The following ZDHHC8 variants were observed in gnomAD, a reference collection of about 807,000 sequenced individuals.
ZDHHC8 encodes the protein zDHHC palmitoyltransferase 8, also known as palmitoyltransferase ZDHHC8.
A neutral mutation model predicts 61.2 loss-of-function variants in ZDHHC8; 24 were observed. The ratio of observed to expected loss-of-function variants is 0.39; its 90% confidence interval spans 0.28 to 0.55. The LOEUF is 0.55. Ranked by LOEUF, ZDHHC8 falls within the 20% of genes least tolerant of loss-of-function variation. The probability of loss-of-function intolerance (pLI) is 0.60; values close to 1 mark genes in which losing one functional copy is unlikely to be tolerated. For missense variants in ZDHHC8, 935 were observed against 1,102.1 expected, an observed-to-expected ratio of 0.85 and a Z score of 2.15; for synonymous variants, 523 against 492.5, an observed-to-expected ratio of 1.06 and a Z score of -0.82.
At position 20,143,389 on chromosome 22, in the gene ZDHHC8, C is replaced by T. The variant is rs1236439737; in HGVS notation, c.1759C>T (p.Leu587=). The T allele has an allele frequency of 4.4e-6, 7 of 1,586,380 alleles. No homozygotes were observed. Among genetic ancestry groups the T allele is most frequent in the Non-Finnish European group, 6.0e-6 (7 of 1,170,602 alleles). The change falls in exon 10 of 11, where the codon CTG becomes TTG. Residue 587 remains leucine, a synonymous_variant. Coordinates refer to ENST00000334554, the MANE Select transcript of ZDHHC8 (RefSeq NM_013373.4). ...GVYDAPSSYS[L]QQASVLSEGP... is the part of the protein sequence containing the mutation. ...CTATGACGCTCCCAGCTCCTACAGC[C>T]TGCAGCAGGCCAGTGTGCTGTCCGA...
chr22:20,144,801 C>T (rs1303450534), intron 10 of ZDHHC8, among the ~76,000 whole-genome samples: 1 of 151,968 alleles, frequency 6.6e-6, no homozygotes, highest in African/African-American at 2.4e-5. Context: ...TGCTGTTGGT[C>T]AGCGCTGGTG....
At chr22:20,137,327 G>T (rs148257166) in intron 1 of ZDHHC8, among the ~76,000 whole-genome samples, 7 of 152,220 alleles carry the variant, frequency 4.6e-5, no homozygotes, top group African/African-American at 1.7e-4. Context: ...TTCAGGCCCC[G>T]CCTGCCTGAT....
In ZDHHC8 at chr22:20,146,890, G is replaced by A; in HGVS notation, c.*1490G>A. ...AGGGGCAGGGCTGAGGGAGTGTGAG[G>A]GATGCACAGCTGTTCAGGGCTGAGA... On this transcript the variant is annotated 3_prime_UTR_variant, in exon 11 of 11. Transcript: ENST00000334554. 1.5e-6 allele frequency: 2 copies of A among 1,294,524 alleles called. No individual in the cohort carries two copies. The highest frequency in any genetic ancestry group is 1.5e-5 in the African/African-American group (1 of 64,670). 80.2% of individuals were successfully genotyped at this position (1,294,524 alleles called of 1,614,324 possible). A position where few individuals can be genotyped will look rare whatever the true frequency, so the allele number is the denominator to read the frequency against.
chr22:20,145,542 G>A lies in ZDHHC8; in HGVS notation c.*142G>A, dbSNP rs1048064053. ...ACCCATCGGCGGGAGAGAGTGCCAC[G>A]CCTCCACAGCTTGCCCCAAGCGCTC... On this transcript the variant is annotated 3_prime_UTR_variant, in exon 11 of 11. Transcript: ENST00000334554. 5 of 1,298,314 alleles carry A rather than the reference G, an allele frequency of 3.9e-6. No individual in the cohort carries two copies. The highest frequency in any genetic ancestry group is 1.5e-5 in the African/African-American group (1 of 64,716). 80.4% of individuals were successfully genotyped at this position (1,298,314 alleles called of 1,614,324 possible). A position where few individuals can be genotyped will look rare whatever the true frequency, so the allele number is the denominator to read the frequency against.
chr22:20,143,213 TGCTGGGCCCCC>T lies in ZDHHC8; in HGVS notation c.1586_1596del (p.Leu529ProfsTer30). The T allele has an allele frequency of 6.2e-7, 1 of 1,608,444 alleles. No homozygotes were observed. Among genetic ancestry groups the T allele is most frequent in the Non-Finnish European group, 8.5e-7 (1 of 1,179,472 alleles). On this transcript the variant is annotated frameshift_variant, in exon 10 of 11. Transcript: ENST00000334554. LOFTEE classifies it high-confidence loss of function. ...CCCCTACCCCGCAGCTTCAGCCCCG[TGCTGGGCCCCC>T]GCCCCCGGGAGCCCTCGCCTGTGCG... is the stretch of plus-strand genomic sequence containing the variant.
Position 20,143,128 on chromosome 22 carries a change from G to A in ZDHHC8, c.1498G>A (p.Gly500Ser). The change falls in exon 10 of 11, where the codon GGC (glycine) becomes AGC (serine). Residue 500 changes from glycine (G) to serine (S), a missense_variant. This residue lies in a region of ZDHHC8 where 692 missense variants were observed against 731.4 expected (regional missense o/e 0.95). Transcript: ENST00000334554. ...CGCCTGCCCTGCCCACCCAGCAGTT[G>A]GCGTGGCCGGATACCACTCACCCTA... Reference protein sequence around the residue: ...GHACPAHPAVGVAGYHSPYLH... With the variant: ...GHACPAHPAVSVAGYHSPYLH... 6.2e-7 allele frequency: 1 copy of A among 1,612,066 alleles called. No homozygotes were observed. Among genetic ancestry groups the A allele is most frequent in the Non-Finnish European group, 8.5e-7 (1 of 1,179,822 alleles).
Position 20,144,217 on chromosome 22 carries a change from C to T in ZDHHC8, c.2126+461C>T, listed in dbSNP as rs1486225008. ...GGATATTACCTAGCAGCAGAATGTG[C>T]CACCCTGAGTGGCCGGGCCCTGGCC... is the stretch of plus-strand genomic sequence containing the variant. On this transcript the variant is annotated intron_variant, in intron 10 of 10. Coordinates refer to ENST00000334554, the MANE Select transcript of ZDHHC8 (RefSeq NM_013373.4). Among the ~76,000 whole-genome samples the T allele has an allele frequency of 2.6e-5, 4 of 152,104 alleles. No homozygotes were observed. In the East Asian group the frequency reaches 5.8e-4, roughly 22 times the overall value.
chr22:20,143,489 G>A lies in ZDHHC8; in HGVS notation c.1859G>A (p.Arg620His), dbSNP rs778326407. 27 of 1,600,254 alleles carry A rather than the reference G, an allele frequency of 1.7e-5. No homozygotes were observed. Among genetic ancestry groups the A allele is most frequent in the African/African-American group, 4.0e-5 (3 of 74,880 alleles). ...GCTGGGCCCGGCTTCGGTGGCGCCC[G>A]CAACCCTGCCCTGCAGACGTCACTG... ...LVAGPGFGGARNPALQTSLSS... is the reference protein window; with the variant it reads ...LVAGPGFGGAHNPALQTSLSS... Residue 620 changes from arginine to histidine, a missense_variant, in exon 10 of 11, where the codon CGC (arginine) becomes CAC (histidine). This residue lies in a region of ZDHHC8 where 692 missense variants were observed against 731.4 expected (regional missense o/e 0.95). Coordinates refer to ENST00000334554, the MANE Select transcript of ZDHHC8 (RefSeq NM_013373.4).
chr22:20,145,856 A>G lies in ZDHHC8; in HGVS notation c.*456A>G. 1 of 986,428 alleles carries G rather than the reference A, an allele frequency of 1.0e-6. No individual in the cohort carries two copies. The highest frequency in any genetic ancestry group is 1.2e-6 in the Non-Finnish European group (1 of 830,602). 61.1% of individuals were successfully genotyped at this position (986,428 alleles called of 1,614,324 possible). ...ACACAGCCTGTGGGCTCCCGGACCG[A>G]GTGTCCCCCGCCAGGCTACTCCTAA... On this transcript the variant is annotated 3_prime_UTR_variant, in exon 11 of 11. Coordinates refer to ENST00000334554, the MANE Select transcript of ZDHHC8 (RefSeq NM_013373.4).
In ZDHHC8 at chr22:20,140,766, C is replaced by T. The variant is rs1343737137; in HGVS notation, c.752+58C>T. 3.1e-6 allele frequency: 5 copies of T among 1,594,978 alleles called. No homozygotes were observed. The African/African-American group carries it at 5.3e-5, about 17-fold the overall frequency. ...CCTCTGCTGGGTGTGGGGCGGGCAG[C>T]CTTAGACCCTCTTGGTCCGTTTGGC... On this transcript the variant is annotated intron_variant, in intron 6 of 10. Transcript: ENST00000334554.
intron 1 of ZDHHC8, 90 bp downstream of exon 1, chr22:20,132,141 C>G: frequency 2.4e-6 from 2 of 835,946 alleles, no homozygotes; most frequent in Non-Finnish European, 3.0e-6. Context: ...CGGGGGCTGG[C>G]GGGGCCCCGG....
chr22:20,141,358 A>T, intron 8 of ZDHHC8, 21 bp downstream of exon 8: 1 of 1,611,442 alleles, frequency 6.2e-7, no homozygotes, highest in Non-Finnish European at 8.5e-7. Flanking sequence ...GGCAGCCACG[A>T]CTAGGGAGGG....
At position 20,131,865 on chromosome 22, in the gene ZDHHC8, G is replaced by GGCCCCC; in HGVS notation, c.-83_-82insGCCCCC. The stretch of plus-strand genomic sequence containing the variant: ...CGCCGCGGGTCCTGCGCCGCGTCCA[G>GGCCCCC]CCCGCCCGCCCGACCCCGGCCCGAC... On this transcript the variant is annotated 5_prime_UTR_variant, in exon 1 of 11. Coordinates refer to ENST00000334554, the MANE Select transcript of ZDHHC8 (RefSeq NM_013373.4). The GGCCCCC allele has an allele frequency of 1.0e-4, 33 of 318,136 alleles. No individual in the cohort carries two copies. Among genetic ancestry groups the GGCCCCC allele is most frequent in the Non-Finnish European group, 1.3e-4 (30 of 222,526 alleles). The allele number at this position is 318,136 out of a possible 1,614,324, so 19.7% of individuals were successfully genotyped here.
chr22:20,141,952 A>C (rs2050474889), intron 9 of ZDHHC8, among the ~76,000 whole-genome samples: 2 of 152,218 alleles, frequency 1.3e-5, no homozygotes, highest in Non-Finnish European at 2.9e-5. Flanking sequence ...GTGCTTGAGA[A>C]AGCACATTTC....
chr22:20,143,159 A>G lies in ZDHHC8; in HGVS notation c.1529A>G (p.His510Arg), dbSNP rs765852509. ...GVAGYHSPYL[H>R]PGATGDPPRP... ...GCCGGATACCACTCACCCTACCTGC[A>G]TCCTGGGGCAACGGGCGACCCGCCA... is the stretch of plus-strand genomic sequence containing the variant. Residue 510 changes from histidine (H) to arginine (R), a missense_variant, in exon 10 of 11, where the codon CAT becomes CGT. His to Arg is a conservative substitution (Grantham distance 29, BLOSUM62 0). Around this residue, in one of 3 missense-constraint regions of ZDHHC8, gnomAD observed 692 missense variants for 731.4 expected, o/e 0.95. Coordinates refer to ENST00000334554, the MANE Select transcript of ZDHHC8 (RefSeq NM_013373.4). 3 of 1,611,516 alleles carry G rather than the reference A, an allele frequency of 1.9e-6. No homozygotes were observed. The Admixed American group carries it at 5.0e-5, about 27-fold the overall frequency.
At position 20,147,311 on chromosome 22, in the gene ZDHHC8, G is replaced by A. The variant is rs1184346641; in HGVS notation, c.*1911G>A. 4.7e-5 allele frequency: 62 copies of A among 1,331,480 alleles called. No individual in the cohort carries two copies. The highest frequency in any genetic ancestry group is 6.1e-5 in the Non-Finnish European group (62 of 1,019,614). 82.5% of individuals were successfully genotyped at this position (1,331,480 alleles called of 1,614,324 possible). On this transcript the variant is annotated 3_prime_UTR_variant, in exon 11 of 11. Transcript: ENST00000334554. Reference sequence around the variant, plus strand: ...GAGGTCAGACTGCAGTGGACCCTGGGGCAGGGCTGGGGGTGGGCTGGGCTC... The same window carrying A: ...GAGGTCAGACTGCAGTGGACCCTGGAGCAGGGCTGGGGGTGGGCTGGGCTC...
intron 1 of ZDHHC8, among the ~76,000 whole-genome samples, chr22:20,138,642 G>C (rs1450305515): frequency 1.3e-5 from 2 of 152,150 alleles, no homozygotes; most frequent in African/African-American, 4.8e-5. Context: ...TGTCATCTGG[G>C]GAGGGAGGTG....
rs1284959153 is a variant in ZDHHC8 at position 20,147,754 on chromosome 22, C to A, written c.*2354C>A. 6.5e-6 allele frequency: 1 copy of A among 152,684 alleles called. No individual in the cohort carries two copies. 9.5% of individuals were successfully genotyped at this position (152,684 alleles called of 1,614,324 possible). A position where few individuals can be genotyped will look rare whatever the true frequency, so the allele number is the denominator to read the frequency against. On this transcript the variant is annotated 3_prime_UTR_variant, in exon 11 of 11. Coordinates refer to ENST00000334554, the MANE Select transcript of ZDHHC8 (RefSeq NM_013373.4). ...CTGGGCCCCACTGGGGCTGCCTGCACCCAGAGACGATGCCGGCGGGATCTC... is the reference window on the plus strand; with the variant it reads ...CTGGGCCCCACTGGGGCTGCCTGCAACCAGAGACGATGCCGGCGGGATCTC...
Position 20,132,008 on chromosome 22 carries a change from G to T in ZDHHC8, c.61G>T (p.Ala21Ser). Residue 21 changes from alanine (A) to serine (S), a missense_variant, in exon 1 of 11, where the codon GCC becomes TCC. Transcript: ENST00000334554. ...CAAGTACATCCCGGTGGCCACGGCC[G>T]CCGCGCTGCTGGTCGGCTCCAGCAC... ...PAKYIPVATA[A>S]ALLVGSSTLF... 1 of 1,388,526 alleles carries T rather than the reference G, an allele frequency of 7.2e-7. No individual in the cohort carries two copies. Among genetic ancestry groups the T allele is most frequent in the Non-Finnish European group, 9.5e-7 (1 of 1,055,630 alleles). The allele number at this position is 1,388,526 out of a possible 1,614,324, so 86.0% of individuals were successfully genotyped here. A position where few individuals can be genotyped will look rare whatever the true frequency, so the allele number is the denominator to read the frequency against.
Sources: gnomAD v4.1 joint callset for allele counts (sites outside exome capture counted in the v4.1 genomes callset) on GRCh38, gnomAD v4.1.1 for gene constraint, gnomAD v4.1.1 regional missense constraint, MANE v1.5 for transcripts, NCBI Gene and HGNC (gene_info 2026-07-23, HGNC 2026-07-21) for gene names.